PDE7A: variants seen among roughly 807,000 people sequenced by gnomAD.
PDE7A encodes the protein high affinity 3',5'-cyclic-AMP phosphodiesterase 7A.
A neutral mutation model predicts 64.3 loss-of-function variants in PDE7A; 39 were observed. The observed-to-expected ratio is 0.61, with a 90% CI of 0.47 to 0.79. The LOEUF (loss-of-function observed/expected upper bound fraction) is 0.79, where lower values mean the gene tolerates loss of function less well. PDE7A is among the 30% of genes least tolerant of loss of function. PDE7A has a pLI of 0.00. For synonymous variants in PDE7A, 203 were observed against 206.8 expected (o/e 0.98, Z 0.16); for missense variants, 470 against 582.8 (o/e 0.81, Z 1.99).
chr8:65,823,011 ATTAAAG>A (rs1810581092), intron 1 of PDE7A, among the ~76,000 whole-genome samples: 1 of 152,220 alleles, frequency 6.6e-6, no homozygotes, highest in Non-Finnish European at 1.5e-5. Context: ...GATCAAAAAA[ATTAAAG>A]TTAAAAATAA....
At chr8:65,745,370 A>G in intron 5 of PDE7A, 37 bp downstream of exon 5, 1 of 1,171,292 alleles carries the variant, frequency 8.5e-7, no homozygotes. Context: ...AGTAATCTAG[A>G]CTACATTAAC....
Position 65,718,407 on chromosome 8 carries a change from A to G in PDE7A, c.*883T>C, listed in dbSNP as rs1020812235. 1 of 152,186 alleles carries G rather than the reference A, an allele frequency of 6.6e-6. No individual in the cohort carries two copies. Among genetic ancestry groups the G allele is most frequent in the African/African-American group, 2.4e-5 (1 of 41,400 alleles). 9.4% of individuals were successfully genotyped at this position (152,186 alleles called of 1,614,324 possible). Reference sequence around the variant, plus strand: ...ATCCCACTTTTATTTCAGATTGGCAAATACCCTGAGCTGATTATGGTGTTT... The same window carrying G: ...ATCCCACTTTTATTTCAGATTGGCAGATACCCTGAGCTGATTATGGTGTTT... On this transcript the variant is annotated 3_prime_UTR_variant, in exon 13 of 13. Transcript: ENST00000401827.
intron 7 of PDE7A, among the ~76,000 whole-genome samples, chr8:65,729,354 T>C (rs1205613811): frequency 1.4e-5 from 2 of 146,242 alleles, no homozygotes; most frequent in African/African-American, 5.1e-5. Context: ...GTGAGTTTCG[T>C]TGGTGGTAGC....
intron 3 of PDE7A, among the ~76,000 whole-genome samples, chr8:65,779,249 C>G (rs1809340359): frequency 6.6e-6 from 1 of 151,994 alleles, no homozygotes; most frequent in Non-Finnish European, 1.5e-5. Flanking sequence ...TTCCCCTTTC[C>G]CTCCACTATA....
chr8:65,798,206 A>ATATATATATATATTTT, intron 1 of PDE7A, among the ~76,000 whole-genome samples: 99 of 73,770 alleles, frequency 1.3e-3, no homozygotes, highest in African/African-American at 4.6e-3. Context: ...ATATATATAT[A>ATATATATATATATTTT]TTTTTTTTTT....
chr8:65,788,867 A>G, intron 1 of PDE7A: 7 of 1,550,600 alleles, frequency 4.5e-6, no homozygotes, highest in Non-Finnish European at 5.3e-6. Flanking sequence ...CATCCTAAAA[A>G]TAAAGATGGC....
rs1268249980 is a variant in PDE7A, at chr8:65,715,385, T to G, written c.*3905A>C. Among the ~76,000 whole-genome samples the G allele has an allele frequency of 6.6e-6, 1 of 151,116 alleles. No individual in the cohort carries two copies. The highest frequency in any genetic ancestry group is 6.6e-5 in the Admixed American group (1 of 15,208). On this transcript the variant is annotated 3_prime_UTR_variant, in exon 13 of 13. Coordinates refer to ENST00000401827, the MANE Select transcript of PDE7A (RefSeq NM_001242318.3). ...ACCCTGTCTCTATAAAAAAGTTTTTTTTTTTTTTTTGAGACAGAGTCTTGC... is the reference window on the plus strand; with the variant it reads ...ACCCTGTCTCTATAAAAAAGTTTTTGTTTTTTTTTTGAGACAGAGTCTTGC...
intron 1 of PDE7A, among the ~76,000 whole-genome samples, chr8:65,803,664 A>C (rs74950677): frequency 0.042 from 6,437 of 152,320 alleles, 459 homozygotes; most frequent in African/African-American, 0.14. Context: ...TCTGGTATCC[A>C]CTGAGAAAAG....
At chr8:65,774,641 TTTAG>T (rs1391628315) in intron 3 of PDE7A, among the ~76,000 whole-genome samples, 5 of 151,478 alleles carry the variant, frequency 3.3e-5, no homozygotes, top group Non-Finnish European at 5.9e-5. Context: ...TATTTAAATA[TTTAG>T]TTAATTTAAA....
In PDE7A at chr8:65,794,052, T is replaced by C. The variant is rs550023618; in HGVS notation, c.139-11209A>G. On this transcript the variant is annotated intron_variant, in intron 1 of 12. Transcript: ENST00000401827. ...GTAACTGACAGCTCATAAGTGCTTA[T>C]AGGCTAACAATTTTAATTTTAAACT... Among the ~76,000 whole-genome samples, 8 of 152,320 alleles carry C rather than the reference T, an allele frequency of 5.3e-5. 1 individual carries two copies. In the South Asian group the frequency reaches 1.7e-3, roughly 32 times the overall value.
chr8:65,729,726 C>CT (rs34749293), intron 7 of PDE7A, among the ~76,000 whole-genome samples: 9,600 of 140,622 alleles, frequency 0.068, 379 homozygotes, highest in African/African-American at 0.1. Context: ...CCATGCCTGA[C>CT]TTTTTTTTTT....
intron 3 of PDE7A, among the ~76,000 whole-genome samples, chr8:65,765,362 G>A (rs527473025): frequency 2.8e-3 from 416 of 149,624 alleles, no homozygotes; most frequent in South Asian, 0.013. Flanking sequence ...AGTGGCGGGC[G>A]CCTGTAGTCC....
chr8:65,793,703 T>C (rs982450239), intron 1 of PDE7A, among the ~76,000 whole-genome samples: 1 of 152,178 alleles, frequency 6.6e-6, no homozygotes, highest in African/African-American at 2.4e-5. Flanking sequence ...ATATAAGGAA[T>C]AGTTTTAAAA....
chr8:65,803,371 A>G (rs1262826487), intron 1 of PDE7A, among the ~76,000 whole-genome samples: 1 of 152,240 alleles, frequency 6.6e-6, no homozygotes, highest in Non-Finnish European at 1.5e-5. Flanking sequence ...TTATCAAGTA[A>G]AAGTTTGACC....
chr8:65,821,256 C>A lies in PDE7A; in HGVS notation c.138+20115G>T, dbSNP rs531805509. Among the ~76,000 whole-genome samples, 311 of 151,716 alleles carry A rather than the reference C, an allele frequency of 2.0e-3. 1 individual carries two copies. Among genetic ancestry groups the A allele is most frequent in the African/African-American group, 7.2e-3 (297 of 41,374 alleles). ...GCCTCAATGCAAGGAGATATGAGAA[C>A]CAGACCTAAAAAGCTTTATGAAGCT... On this transcript the variant is annotated intron_variant, in intron 1 of 12. Transcript: ENST00000401827.
At chr8:65,833,664 G>A (rs1810883846) in intron 1 of PDE7A, among the ~76,000 whole-genome samples, 2 of 152,206 alleles carry the variant, frequency 1.3e-5, no homozygotes, top group East Asian at 1.9e-4. Context: ...TTTTTGTAAA[G>A]ATCAAAAACA....
chr8:65,756,236 G>C (rs1808235315), intron 3 of PDE7A, among the ~76,000 whole-genome samples: 1 of 152,202 alleles, frequency 6.6e-6, no homozygotes, highest in Admixed American at 6.5e-5. Context: ...GTGTGTCTCA[G>C]TGTGGATTTC....
intron 1 of PDE7A, among the ~76,000 whole-genome samples, chr8:65,811,594 C>T (rs950459301): frequency 6.6e-6 from 1 of 152,246 alleles, no homozygotes. Flanking sequence ...AGCAGCTATT[C>T]TCCTTTGACT....
chr8:65,776,075 T>A (rs904231252), intron 3 of PDE7A, among the ~76,000 whole-genome samples: 5 of 152,200 alleles, frequency 3.3e-5, no homozygotes, highest in Admixed American at 2.0e-4. Context: ...TGTTATTGAT[T>A]TAGCATTCCT....
Sources: allele counts gnomAD v4.1 joint callset (sites outside exome capture counted in the v4.1 genomes callset), GRCh38; gene constraint gnomAD v4.1.1; transcripts MANE v1.5; gene names NCBI Gene and HGNC (gene_info 2026-07-23, HGNC 2026-07-21).